MAP4K3: variants seen among roughly 807,000 people sequenced by gnomAD.
MAP4K3 encodes MAPK/ERK kinase kinase kinase 3.
A neutral mutation model predicts 143.5 loss-of-function variants in MAP4K3; 94 were observed. The ratio of observed to expected loss-of-function variants is 0.65; its 90% CI spans 0.55 to 0.78. The LOEUF is 0.78. MAP4K3 is among the 30% of genes least tolerant of loss of function. MAP4K3 has a pLI of 0.00. For missense variants in MAP4K3, 1,077 were observed against 1,068.1 expected, an observed-to-expected ratio of 1.01 and a Z score of -0.12; for synonymous variants, 416 against 347.2, an observed-to-expected ratio of 1.20 and a Z score of -2.20.
chr2:39,321,736 C>T (rs1683312577), intron 12 of MAP4K3, among the ~76,000 whole-genome samples: 1 of 152,172 alleles, frequency 6.6e-6, no homozygotes, highest in Non-Finnish European at 1.5e-5. Flanking sequence ...AGGGAAAAAC[C>T]GCCTTAGGGC....
At chr2:39,293,800 G>C (rs138689333) in intron 16 of MAP4K3, 1 of 154,346 alleles carries the variant, frequency 6.5e-6, no homozygotes, top group East Asian at 1.9e-4. Context: ...GTGAATACAT[G>C]AATGTAGTAG....
chr2:39,420,957 C>T lies in MAP4K3; in HGVS notation c.96+15935G>A, dbSNP rs866073007. Among the ~76,000 whole-genome samples the T allele has an allele frequency of 6.6e-5, 10 of 152,280 alleles. No individual in the cohort carries two copies. In the South Asian group the frequency reaches 2.1e-3, roughly 32 times the overall value. On this transcript the variant is annotated intron_variant, in intron 1 of 33. Transcript: ENST00000263881. ...TCCACATCTTGCTTCACTCAACTTTCCCATCTCTCCAGGTCATCTATGCCC... is the reference window on the plus strand; with the variant it reads ...TCCACATCTTGCTTCACTCAACTTTTCCATCTCTCCAGGTCATCTATGCCC...
Position 39,310,838 on chromosome 2 carries a change from A to G in MAP4K3, c.998-1319T>C, listed in dbSNP as rs116694043. Among the ~76,000 whole-genome samples, 1,212 of 152,148 alleles carry G rather than the reference A, an allele frequency of 8.0e-3. 16 individuals are homozygous for G. Among genetic ancestry groups the G allele is most frequent in the African/African-American group, 0.028 (1,162 of 41,510 alleles). ...TTCTTTTTTGATTTGCATTTTCTTTACAATTAGTGATGCTGAACTAATTGT... is the reference window on the plus strand; with the variant it reads ...TTCTTTTTTGATTTGCATTTTCTTTGCAATTAGTGATGCTGAACTAATTGT... On this transcript the variant is annotated intron_variant, in intron 13 of 33. Transcript: ENST00000263881.
chr2:39,337,473 G>T, intron 5 of MAP4K3, 53 bp downstream of exon 5: 5 of 1,350,850 alleles, frequency 3.7e-6, no homozygotes, highest in Non-Finnish European at 5.3e-6. Context: ...TGCACAGTAA[G>T]TAAAGCCTTA....
At chr2:39,418,116 T>C (rs1455223281) in intron 1 of MAP4K3, among the ~76,000 whole-genome samples, 1 of 151,350 alleles carries the variant, frequency 6.6e-6, no homozygotes, top group African/African-American at 2.4e-5. Flanking sequence ...GGCAGGAGAA[T>C]TGCTTGAACC....
chr2:39,404,591 GTTTCTTTTTTTTTTCTTCTTTC>G (rs1324062328), intron 1 of MAP4K3, among the ~76,000 whole-genome samples: 3 of 146,604 alleles, frequency 2.0e-5, no homozygotes, highest in Non-Finnish European at 3.0e-5. Flanking sequence ...GATTTCTGAG[GTTTCTTTTTTTTTTCTTCTTTC>G]TTTCTTTTTT....
At chr2:39,310,827 G>A (rs1682915341) in intron 13 of MAP4K3, among the ~76,000 whole-genome samples, 4 of 151,796 alleles carry the variant, frequency 2.6e-5, no homozygotes, top group Admixed American at 2.6e-4. Flanking sequence ...TTTTTGATTT[G>A]CATTTTCTTT....
intron 1 of MAP4K3, among the ~76,000 whole-genome samples, chr2:39,420,040 G>C (rs1402400912): frequency 1.3e-5 from 2 of 152,190 alleles, no homozygotes; most frequent in Non-Finnish European, 2.9e-5. Context: ...GTCACCTCCT[G>C]AGAATGAAAT....
At chr2:39,365,037 T>A (rs1332809440) in intron 2 of MAP4K3, among the ~76,000 whole-genome samples, 1 of 152,154 alleles carries the variant, frequency 6.6e-6, no homozygotes, top group African/African-American at 2.4e-5. Context: ...GAATCCTCTA[T>A]AGAATACAGA....
chr2:39,291,310 C>G (rs892668618), intron 18 of MAP4K3, among the ~76,000 whole-genome samples: 1 of 152,098 alleles, frequency 6.6e-6, no homozygotes, highest in East Asian at 1.9e-4. Flanking sequence ...GGGTAATACA[C>G]TTTCTTGGTT....
rs568581697 is a variant in MAP4K3 at position 39,372,845 on chromosome 2, A to C, written c.154+5221T>G. 5.3e-5 allele frequency among the ~76,000 whole-genome samples: 8 copies of C among 152,328 alleles called. No homozygotes were observed. The East Asian group carries it at 1.5e-3, about 29-fold the overall frequency. ...TCAAACTATGGAAATACTACAAGAA[A>C]ACATTGGGGAAAATCTCCATGACAC... On this transcript the variant is annotated intron_variant, in intron 2 of 33. Coordinates refer to ENST00000263881, the MANE Select transcript of MAP4K3 (RefSeq NM_003618.4).
intron 1 of MAP4K3, among the ~76,000 whole-genome samples, chr2:39,406,348 C>A (rs1226276329): frequency 6.6e-6 from 1 of 151,974 alleles, no homozygotes; most frequent in Non-Finnish European, 1.5e-5. Flanking sequence ...CTTCCTAAAC[C>A]TAGAGAAAGA....
At chr2:39,350,045 G>A (rs181633636) in intron 3 of MAP4K3, among the ~76,000 whole-genome samples, 24 of 152,262 alleles carry the variant, frequency 1.6e-4, no homozygotes, top group African/African-American at 5.8e-4. Flanking sequence ...GTCACAACTA[G>A]GGGAAAGGGT....
chr2:39,259,429 T>A (rs956438426), intron 29 of MAP4K3, among the ~76,000 whole-genome samples: 2 of 152,114 alleles, frequency 1.3e-5, no homozygotes, highest in Non-Finnish European at 2.9e-5. Flanking sequence ...CTCTTACCAA[T>A]ACCCCTAGTG....
At chr2:39,411,581 T>C (rs1377380176) in intron 1 of MAP4K3, among the ~76,000 whole-genome samples, 1 of 152,236 alleles carries the variant, frequency 6.6e-6, no homozygotes, top group Admixed American at 6.5e-5. Context: ...ATTCTGGAAA[T>C]CCATTTCTCT....
At chr2:39,398,864 G>A (rs920667848) in intron 1 of MAP4K3, among the ~76,000 whole-genome samples, 5 of 151,056 alleles carry the variant, frequency 3.3e-5, no homozygotes, top group South Asian at 2.1e-4. Flanking sequence ...CCAACATGGC[G>A]AAACCCTGTC....
intron 2 of MAP4K3, among the ~76,000 whole-genome samples, chr2:39,364,724 C>T (rs1454312264): frequency 6.6e-6 from 1 of 152,122 alleles, no homozygotes; most frequent in Non-Finnish European, 1.5e-5. Flanking sequence ...AAAAATTAGC[C>T]AGGCGTGATG....
At chr2:39,362,336 A>T (rs972016498) in intron 2 of MAP4K3, among the ~76,000 whole-genome samples, 1 of 152,306 alleles carries the variant, frequency 6.6e-6, no homozygotes, top group South Asian at 2.1e-4. Flanking sequence ...GCATATAGAA[A>T]GCTCTAAAGA....
intron 1 of MAP4K3, among the ~76,000 whole-genome samples, chr2:39,434,810 T>A (rs549257532): frequency 6.6e-6 from 1 of 152,250 alleles, no homozygotes; most frequent in Non-Finnish European, 1.5e-5. Context: ...TAGGATTAAT[T>A]AGAAAAATCT....
Sources: gnomAD v4.1 joint callset for allele counts (sites outside exome capture counted in the v4.1 genomes callset) on GRCh38, gnomAD v4.1.1 for gene constraint, MANE v1.5 for transcripts, NCBI Gene and HGNC (gene_info 2026-07-23, HGNC 2026-07-21) for gene names.